The following KMO variants were observed in gnomAD, a reference collection of about 807,000 sequenced individuals.
KMO encodes the protein kynurenine 3-monooxygenase.
In KMO, 24 loss-of-function variants were observed where a neutral mutation model predicts 57.8. The ratio of observed to expected loss-of-function variants is 0.42; its 90% CI spans 0.30 to 0.58. The LOEUF (loss-of-function observed/expected upper bound fraction) is 0.58. Ranked by LOEUF, KMO falls within the 20% of genes least tolerant of loss-of-function variation. The pLI is 0.22. For synonymous variants in KMO, 210 were observed against 193.6 expected, an observed-to-expected ratio of 1.08 and a Z score of -0.70; for missense variants, 483 against 588.2, an observed-to-expected ratio of 0.82 and a Z score of 1.85.
chr1:241,554,223 TTTCTTTCCTTCCTTCC>T (rs1366326006), intron 4 of KMO, among the ~76,000 whole-genome samples: 35 of 123,062 alleles, frequency 2.8e-4, no homozygotes, highest in Admixed American at 1.2e-3. Context: ...ACATAATACT[TTTCTTTCCTTCCTTCC>T]TTCCTTCCTT....
At chr1:241,588,893 T>C in intron 12 of KMO, 63 bp downstream of exon 12, 1 of 1,231,922 alleles carries the variant, frequency 8.1e-7, no homozygotes, top group Non-Finnish European at 1.2e-6. Flanking sequence ...CAAGTGTTCT[T>C]TTCTTTTTCT....
intron 11 of KMO, among the ~76,000 whole-genome samples, chr1:241,588,536 G>C (rs980431195): frequency 1.3e-5 from 2 of 151,976 alleles, no homozygotes; most frequent in African/African-American, 4.8e-5. Context: ...CAATAATATA[G>C]ATTAATTTTG....
At chr1:241,534,240 G>A (rs145071237) in intron 1 of KMO, among the ~76,000 whole-genome samples, 9 of 152,328 alleles carry the variant, frequency 5.9e-5, no homozygotes, top group Non-Finnish European at 5.9e-5. Context: ...AGGCTGTTAC[G>A]TTAGCTCAAG....
chr1:241,586,957 G>T (rs1238841701), intron 11 of KMO, among the ~76,000 whole-genome samples: 1 of 152,142 alleles, frequency 6.6e-6, no homozygotes, highest in Non-Finnish European at 1.5e-5. Context: ...CTATGTGGAG[G>T]TCCATGAAGT....
intron 4 of KMO, among the ~76,000 whole-genome samples, chr1:241,551,900 G>A (rs1305215054): frequency 6.6e-6 from 1 of 152,094 alleles, no homozygotes; most frequent in Non-Finnish European, 1.5e-5. Context: ...TGGAGGCGGA[G>A]GTTCTACGTT....
intron 1 of KMO, among the ~76,000 whole-genome samples, chr1:241,539,758 T>C (rs937533876): frequency 1.3e-5 from 2 of 152,134 alleles, no homozygotes; most frequent in Non-Finnish European, 2.9e-5. Flanking sequence ...ATTCCCCCAC[T>C]AGTAATAAGG....
chr1:241,546,252 G>C (rs1661143448), intron 1 of KMO, among the ~76,000 whole-genome samples: 1 of 152,088 alleles, frequency 6.6e-6, no homozygotes, highest in Non-Finnish European at 1.5e-5. Context: ...GAGTGTCCCA[G>C]ACTCCAAATT....
At chr1:241,566,132 G>T (rs1050047862) in intron 8 of KMO, among the ~76,000 whole-genome samples, 1 of 152,188 alleles carries the variant, frequency 6.6e-6, no homozygotes, top group Non-Finnish European at 1.5e-5. Context: ...CTTGAACCTG[G>T]GAGGCAGAGG....
At chr1:241,536,793 T>C (rs1660769494) in intron 1 of KMO, among the ~76,000 whole-genome samples, 1 of 152,176 alleles carries the variant, frequency 6.6e-6, no homozygotes, top group African/African-American at 2.4e-5. Context: ...TGAGGAGATT[T>C]GTACGTATTT....
At chr1:241,578,840 G>A (rs600839) in intron 10 of KMO, among the ~76,000 whole-genome samples, 62,131 of 151,826 alleles carry the variant, frequency 0.41, 12,949 homozygotes, top group East Asian at 0.54. Context: ...AGTTTCATGT[G>A]GCTAGGGAGG....
At chr1:241,560,245 A>G (rs74443223) in intron 5 of KMO, among the ~76,000 whole-genome samples, 4,480 of 152,332 alleles carry the variant, frequency 0.029, 438 homozygotes, top group Admixed American at 0.18. Flanking sequence ...TCAGAATTCC[A>G]GAAAACTAGC....
At chr1:241,546,366 T>A (rs891644839) in intron 1 of KMO, among the ~76,000 whole-genome samples, 5 of 152,150 alleles carry the variant, frequency 3.3e-5, no homozygotes, top group African/African-American at 1.2e-4. Context: ...CCAGGTCATC[T>A]CTCTGCGTCT....
chr1:241,573,226 A>T (rs1393979916), intron 10 of KMO, among the ~76,000 whole-genome samples: 2 of 152,120 alleles, frequency 1.3e-5, no homozygotes, highest in Admixed American at 6.6e-5. Flanking sequence ...TGCTCAAGGG[A>T]TCTGCCCACC....
intron 1 of KMO, 67 bp downstream of exon 1, chr1:241,532,565 T>A: frequency 8.6e-7 from 1 of 1,168,472 alleles, no homozygotes; most frequent in Non-Finnish European, 1.2e-6. Flanking sequence ...TCGTAATGAT[T>A]ATTATTCGTC....
intron 10 of KMO, among the ~76,000 whole-genome samples, chr1:241,579,688 T>C (rs1484195695): frequency 6.6e-6 from 1 of 152,086 alleles, no homozygotes; most frequent in Non-Finnish European, 1.5e-5. Flanking sequence ...AACTGGTGAC[T>C]TTCAGGCCAC....
chr1:241,560,805 T>C (rs1314155068), intron 6 of KMO, 53 bp downstream of exon 6: 1 of 1,138,460 alleles, frequency 8.8e-7, no homozygotes, highest in African/African-American at 1.5e-5. Context: ...GAGTGGAGAA[T>C]TGTATCTGCA....
Position 241,566,478 on chromosome 1 carries a change from C to T in KMO, c.688-13C>T, listed in dbSNP as rs1215788354. ...CCCCATCCCCTTTCACTCTGTTTCT[C>T]TTCTTCTCACAGAACAAATCATTCA... On this transcript the variant is annotated splice_polypyrimidine_tract_variant and intron_variant, in intron 8 of 14. Transcript: ENST00000366559. The T allele has an allele frequency of 6.2e-7, 1 of 1,607,406 alleles. No individual in the cohort carries two copies. The highest frequency in any genetic ancestry group is 8.5e-7 in the Non-Finnish European group (1 of 1,177,052).
intron 12 of KMO, among the ~76,000 whole-genome samples, chr1:241,589,552 C>T (rs1191068164): frequency 1.3e-5 from 2 of 152,160 alleles, no homozygotes; most frequent in African/African-American, 4.8e-5. Flanking sequence ...ATTGATGTAT[C>T]TTGTCTTCTC....
chr1:241,569,098 A>G (rs910329058), intron 10 of KMO, among the ~76,000 whole-genome samples: 2 of 152,142 alleles, frequency 1.3e-5, no homozygotes, highest in African/African-American at 4.8e-5. Flanking sequence ...TCAGGAATAC[A>G]ATGTATATGA....
Sources: allele counts gnomAD v4.1 joint callset (sites outside exome capture counted in the v4.1 genomes callset), GRCh38; gene constraint gnomAD v4.1.1; transcripts MANE v1.5; gene names NCBI Gene and HGNC (gene_info 2026-07-23, HGNC 2026-07-21).